ZFPM2: variants seen among roughly 807,000 people sequenced by gnomAD.
ZFPM2 encodes the protein zinc finger protein ZFPM2.
A neutral mutation model predicts 98.6 loss-of-function variants in ZFPM2; 20 were observed. The observed-to-expected ratio is 0.20, with a 90% CI of 0.14 to 0.29. ZFPM2 has a LOEUF of 0.29. ZFPM2 is among the 10% of genes least tolerant of loss of function. The pLI is 1.00. For synonymous variants in ZFPM2, 518 were observed against 502.7 expected (o/e 1.03, Z -0.41); for missense variants, 1,310 against 1,388.6 (o/e 0.94, Z 0.90).
intron 1 of ZFPM2, among the ~76,000 whole-genome samples, chr8:105,328,452 TTA>T (rs1812155513): frequency 6.6e-6 from 1 of 151,852 alleles, no homozygotes; most frequent in Non-Finnish European, 1.5e-5. Context: ...TGTGTAGAAA[TTA>T]TAGAACGAAT....
intron 3 of ZFPM2, among the ~76,000 whole-genome samples, chr8:105,484,252 A>G (rs1563679770): frequency 6.6e-6 from 1 of 152,132 alleles, no homozygotes; most frequent in Non-Finnish European, 1.5e-5. Flanking sequence ...TGTTTGAGAT[A>G]TAAACTATTC....
At chr8:105,410,360 CG>C in intron 1 of ZFPM2, among the ~76,000 whole-genome samples, 1 of 151,908 alleles carries the variant, frequency 6.6e-6, no homozygotes, top group South Asian at 2.1e-4. Context: ...CCCTATGAAA[CG>C]ATTTAAGAAA....
chr8:105,386,448 C>T (rs917558995), intron 1 of ZFPM2, among the ~76,000 whole-genome samples: 8 of 152,054 alleles, frequency 5.3e-5, no homozygotes, highest in African/African-American at 1.9e-4. Context: ...CGTGGACCCT[C>T]GTGGTGAGTG....
chr8:105,673,187 C>CTT (rs5893754), intron 5 of ZFPM2, among the ~76,000 whole-genome samples: 6,845 of 87,438 alleles, frequency 0.078, 724 homozygotes, highest in African/African-American at 0.14. Flanking sequence ...AAATAGCATG[C>CTT]TTTTTTTTTT....
intron 3 of ZFPM2, among the ~76,000 whole-genome samples, chr8:105,521,709 C>T (rs1814065947): frequency 6.6e-6 from 1 of 152,172 alleles, no homozygotes; most frequent in South Asian, 2.1e-4. Flanking sequence ...TCCCGACTAG[C>T]TGGGATTATA....
chr8:105,619,763 T>C (rs1269984524), intron 4 of ZFPM2, among the ~76,000 whole-genome samples: 1 of 148,400 alleles, frequency 6.7e-6, no homozygotes. Flanking sequence ...TTCCCACCTA[T>C]GAGTGAGAAC....
chr8:105,733,972 G>A (rs1812010131), intron 5 of ZFPM2, among the ~76,000 whole-genome samples: 1 of 151,904 alleles, frequency 6.6e-6, no homozygotes, highest in Admixed American at 6.6e-5. Context: ...ACACCTGGAA[G>A]AGGGAAAGAA....
At chr8:105,461,332 A>T (rs1812700961) in intron 3 of ZFPM2, among the ~76,000 whole-genome samples, 1 of 152,186 alleles carries the variant, frequency 6.6e-6, no homozygotes, top group African/African-American at 2.4e-5. Flanking sequence ...CATTATATTT[A>T]ACCGTTATAA....
At chr8:105,587,340 G>A (rs1226346180) in intron 4 of ZFPM2, among the ~76,000 whole-genome samples, 2 of 150,404 alleles carry the variant, frequency 1.3e-5, no homozygotes, top group Non-Finnish European at 3.0e-5. Context: ...ATACCTATAC[G>A]GAATAAAAGT....
At chr8:105,710,701 GTAT>G (rs1811369168) in intron 5 of ZFPM2, among the ~76,000 whole-genome samples, 1 of 129,822 alleles carries the variant, frequency 7.7e-6, no homozygotes, top group Non-Finnish European at 1.7e-5. Context: ...GTGTGTGTGT[GTAT>G]GTGTGTGTGG....
intron 4 of ZFPM2, among the ~76,000 whole-genome samples, chr8:105,561,914 T>G (rs1382509530): frequency 6.6e-6 from 1 of 152,188 alleles, no homozygotes; most frequent in Non-Finnish European, 1.5e-5. Flanking sequence ...GTGGTCAGCA[T>G]TATAATTTTT....
intron 5 of ZFPM2, among the ~76,000 whole-genome samples, 167 bp downstream of exon 5, chr8:105,634,524 C>CT (rs899855890): frequency 4.0e-5 from 6 of 151,802 alleles, no homozygotes; most frequent in African/African-American, 2.4e-5. Flanking sequence ...ACCTGTTTTT[C>CT]TTTTTTTTCT....
chr8:105,697,474 A>G, intron 5 of ZFPM2, among the ~76,000 whole-genome samples: 1 of 152,300 alleles, frequency 6.6e-6, no homozygotes, highest in East Asian at 1.9e-4. Context: ...GTTAAATTAC[A>G]TATGCTTTCA....
At chr8:105,681,294 T>C (rs62525681) in intron 5 of ZFPM2, among the ~76,000 whole-genome samples, 5,797 of 152,246 alleles carry the variant, frequency 0.038, 149 homozygotes, top group Middle Eastern at 0.19. Flanking sequence ...CATCCTACCA[T>C]GCTGTCTCTT....
intron 3 of ZFPM2, among the ~76,000 whole-genome samples, chr8:105,542,299 G>T (rs150881519): frequency 2.0e-5 from 3 of 152,102 alleles, no homozygotes; most frequent in African/African-American, 7.2e-5. Context: ...CCTTTGAATT[G>T]TATGAAACCT....
At chr8:105,694,050 G>T (rs954587391) in intron 5 of ZFPM2, among the ~76,000 whole-genome samples, 1 of 144,426 alleles carries the variant, frequency 6.9e-6, no homozygotes, top group Non-Finnish European at 1.5e-5. Context: ...GCAGTGGTGC[G>T]ATCTCGGCTC....
chr8:105,607,927 A>T (rs1411265211), intron 4 of ZFPM2, among the ~76,000 whole-genome samples: 4 of 152,166 alleles, frequency 2.6e-5, no homozygotes, highest in African/African-American at 7.2e-5. Context: ...AATACCAAAT[A>T]TACGGAATCA....
chr8:105,380,493 G>A (rs921576808), intron 1 of ZFPM2, among the ~76,000 whole-genome samples: 1 of 144,420 alleles, frequency 6.9e-6, no homozygotes, highest in Non-Finnish European at 1.5e-5. Flanking sequence ...GATCATAATT[G>A]GCTAGACAAA....
At chr8:105,348,637 T>C (rs548503246) in intron 1 of ZFPM2, among the ~76,000 whole-genome samples, 1 of 152,206 alleles carries the variant, frequency 6.6e-6, no homozygotes, top group Non-Finnish European at 1.5e-5. Context: ...GAATTTACCA[T>C]TGATGTTTTT....
Sources: allele counts gnomAD v4.1 joint callset (sites outside exome capture counted in the v4.1 genomes callset), GRCh38; gene constraint gnomAD v4.1.1; transcripts MANE v1.5; gene names NCBI Gene and HGNC (gene_info 2026-07-23, HGNC 2026-07-21).